Variants in LPCAT2 observed in about 807,000 individuals in gnomAD.
LPCAT2 encodes the protein lysophosphatidylcholine acyltransferase 2.
LPCAT2 carries 58 observed loss-of-function variants against 64.7 expected under a neutral mutation model. The observed-to-expected ratio is 0.90, with a 90% CI of 0.73 to 1.12. The LOEUF is 1.12. Among genes scored for constraint, LPCAT2 ranks in the 50% most tolerant of loss-of-function variants. LPCAT2 has a pLI of 0.00. For synonymous variants in LPCAT2, 252 were observed against 245.3 expected, an observed-to-expected ratio of 1.03 and a Z score of -0.26; for missense variants, 579 against 669.8, an observed-to-expected ratio of 0.86 and a Z score of 1.50.
chr16:55,550,435 T>G (rs147904635), intron 10 of LPCAT2, among the ~76,000 whole-genome samples: 255 of 152,354 alleles, frequency 1.7e-3, no homozygotes, highest in Middle Eastern at 6.8e-3. Context: ...GCAAGAATTG[T>G]TATTTCATCT....
intron 7 of LPCAT2, 80 bp downstream of exon 7, chr16:55,534,557 A>T (rs1352586574): frequency 4.4e-6 from 3 of 677,854 alleles, no homozygotes; most frequent in Non-Finnish European, 4.9e-6. Context: ...TTCATTCTTT[A>T]AAAAAGTATT....
intron 4 of LPCAT2, among the ~76,000 whole-genome samples, chr16:55,531,005 A>G (rs1179349470): frequency 1.3e-5 from 2 of 152,144 alleles, no homozygotes; most frequent in Non-Finnish European, 2.9e-5. Flanking sequence ...CTGTATACCC[A>G]TTAATCGTTA....
At chr16:55,560,570 C>T (rs1478538076) in intron 11 of LPCAT2, among the ~76,000 whole-genome samples, 1 of 152,114 alleles carries the variant, frequency 6.6e-6, no homozygotes. Flanking sequence ...GGTATAGGCA[C>T]CAGAAGGAAA....
In LPCAT2 at chr16:55,545,816, GAGTA is replaced by G. The variant is rs779968402; in HGVS notation, c.935+3_935+6del. On this transcript the variant is annotated splice_donor_variant and splice_donor_region_variant and coding_sequence_variant and intron_variant, in exon 9 of 14. Coordinates refer to ENST00000262134, the MANE Select transcript of LPCAT2 (RefSeq NM_017839.5). LOFTEE classifies it high-confidence loss of function. ...CAATAAAGTCCGGAATTTAATGGCAGAGTAAGTGTCTATATTTGATTATAACTCA... is the reference window on the plus strand; with the variant it reads ...CAATAAAGTCCGGAATTTAATGGCAGAGTGTCTATATTTGATTATAACTCA... 3.1e-6 allele frequency: 5 copies of G among 1,599,524 alleles called. No individual in the cohort carries two copies. The highest frequency in any genetic ancestry group is 1.3e-5 in the African/African-American group (1 of 74,472).
At chr16:55,532,789 T>A in intron 5 of LPCAT2, 35 bp from the exon 6 acceptor site, 1 of 1,521,656 alleles carries the variant, frequency 6.6e-7, no homozygotes. Flanking sequence ...TTTATTCACA[T>A]AAAAACACAT....
At chr16:55,530,098 C>A (rs9932429) in intron 4 of LPCAT2, 151 bp downstream of exon 4, 240,947 of 480,432 alleles carry the variant, frequency 0.5, 63,096 homozygotes, top group Middle Eastern at 0.55. Flanking sequence ...ATACAGTAGC[C>A]AGTATTAAGA....
intron 13 of LPCAT2, among the ~76,000 whole-genome samples, chr16:55,582,158 A>G (rs142527841): frequency 6.6e-6 from 1 of 152,206 alleles, no homozygotes; most frequent in Non-Finnish European, 1.5e-5. Flanking sequence ...AGCACAACGA[A>G]GTTTTATAAA....
intron 7 of LPCAT2, among the ~76,000 whole-genome samples, chr16:55,536,375 T>G (rs1963324497): frequency 6.6e-6 from 1 of 152,196 alleles, no homozygotes; most frequent in African/African-American, 2.4e-5. Flanking sequence ...ATTCAGAATT[T>G]TCAGAATAGA....
intron 7 of LPCAT2, among the ~76,000 whole-genome samples, chr16:55,536,824 C>T (rs1051336926): frequency 6.6e-6 from 1 of 152,142 alleles, no homozygotes; most frequent in Non-Finnish European, 1.5e-5. Flanking sequence ...TAAGTAGGAA[C>T]AACTATTTCA....
At chr16:55,570,649 G>A (rs549833695) in intron 11 of LPCAT2, among the ~76,000 whole-genome samples, 9 of 152,170 alleles carry the variant, frequency 5.9e-5, no homozygotes, top group Admixed American at 2.0e-4. Context: ...ACAACTACCC[G>A]TATAGTGGGG....
intron 6 of LPCAT2, among the ~76,000 whole-genome samples, chr16:55,533,213 T>C (rs761653966): frequency 5.3e-5 from 8 of 152,082 alleles, no homozygotes; most frequent in Admixed American, 2.0e-4. Flanking sequence ...TTTCATTAAC[T>C]CTAGAAAGAA....
At chr16:55,570,759 T>C (rs1430029375) in intron 11 of LPCAT2, among the ~76,000 whole-genome samples, 2 of 152,200 alleles carry the variant, frequency 1.3e-5, no homozygotes, top group African/African-American at 2.4e-5. Flanking sequence ...AATATTTAAG[T>C]ATATTAAAAC....
intron 13 of LPCAT2, among the ~76,000 whole-genome samples, chr16:55,580,026 C>T (rs1484679391): frequency 6.6e-6 from 1 of 152,134 alleles, no homozygotes; most frequent in African/African-American, 2.4e-5. Flanking sequence ...GTTTCCCTGT[C>T]TTGGGTTTGA....
intron 11 of LPCAT2, among the ~76,000 whole-genome samples, chr16:55,561,779 G>A (rs573975298): frequency 2.2e-4 from 34 of 152,094 alleles, no homozygotes; most frequent in African/African-American, 7.5e-4. Context: ...AAGGAAGAGA[G>A]TTCTTTTGTG....
Position 55,581,940 on chromosome 16 carries a change from A to G in LPCAT2, c.1451-974A>G, listed in dbSNP as rs147390685. Among the ~76,000 whole-genome samples the G allele has an allele frequency of 3.8e-4, 58 of 152,296 alleles. 1 individual carries two copies. In the East Asian group the frequency reaches 8.1e-3, roughly 21 times the overall value. On this transcript the variant is annotated intron_variant, in intron 13 of 13. Transcript: ENST00000262134. ...CTCCTCTACTTGGAGGTCTTGTGGTATGATTATTATATATTGTACACTTTC... is the reference window on the plus strand; with the variant it reads ...CTCCTCTACTTGGAGGTCTTGTGGTGTGATTATTATATATTGTACACTTTC...
intron 9 of LPCAT2, among the ~76,000 whole-genome samples, chr16:55,546,045 A>T: frequency 6.6e-6 from 1 of 152,152 alleles, no homozygotes; most frequent in East Asian, 1.9e-4. Flanking sequence ...GAAAGACTGG[A>T]GAGGATACAA....
chr16:55,520,032 T>G (rs1355886303), intron 1 of LPCAT2, among the ~76,000 whole-genome samples: 1 of 152,010 alleles, frequency 6.6e-6, no homozygotes, highest in African/African-American at 2.4e-5. Context: ...AGCAAAACAA[T>G]AGATTTATAC....
At chr16:55,539,343 A>G (rs1436849606) in intron 8 of LPCAT2, 1 of 151,862 alleles carries the variant, frequency 6.6e-6, no homozygotes, top group African/African-American at 2.4e-5. Flanking sequence ...TGGCAAAGAA[A>G]ACAATGTATT....
chr16:55,551,459 G>A (rs1227796310), intron 11 of LPCAT2: 1 of 152,234 alleles, frequency 6.6e-6, no homozygotes, highest in Non-Finnish European at 1.5e-5. Flanking sequence ...GGAACTGGAA[G>A]AGTTTATATC....
Sources: allele counts gnomAD v4.1 joint callset (sites outside exome capture counted in the v4.1 genomes callset), GRCh38; gene constraint gnomAD v4.1.1; transcripts MANE v1.5; gene names NCBI Gene and HGNC (gene_info 2026-07-23, HGNC 2026-07-21).